The following ETV6 variants were observed in gnomAD, a reference collection of about 807,000 sequenced individuals.
ETV6 encodes transcription factor ETV6.
ETV6 carries 16 observed loss-of-function variants against 51.1 expected under a neutral mutation model. That is an observed-to-expected ratio of 0.31 (90% confidence interval 0.21 to 0.48). ETV6 has a LOEUF of 0.48. Ranked by LOEUF, ETV6 falls within the 20% of genes least tolerant of loss-of-function variation. ETV6 has a pLI of 0.99. For missense variants in ETV6, 458 were observed against 594.8 expected (o/e 0.77, Z 2.39); for synonymous variants, 240 against 224.1 (o/e 1.07, Z -0.64).
At chr12:11,716,330 C>CAAAAAA (rs3049068) in intron 1 of ETV6, among the ~76,000 whole-genome samples, 12 of 58,120 alleles carry the variant, frequency 2.1e-4, no homozygotes, top group African/African-American at 7.5e-4. Flanking sequence ...GACTCCTTCT[C>CAAAAAA]AAAAAAAAAA....
At chr12:11,765,625 A>G (rs1161964756) in intron 2 of ETV6, among the ~76,000 whole-genome samples, 1 of 151,774 alleles carries the variant, frequency 6.6e-6, no homozygotes, top group Non-Finnish European at 1.5e-5. Flanking sequence ...CATTCACAAT[A>G]TGTCTGAGAG....
At chr12:11,713,349 C>T (rs1865208834) in intron 1 of ETV6, among the ~76,000 whole-genome samples, 1 of 152,152 alleles carries the variant, frequency 6.6e-6, no homozygotes, top group Non-Finnish European at 1.5e-5. Context: ...TTGAACTCTC[C>T]TTCAGCCTTT....
At position 11,652,812 on chromosome 12, in the gene ETV6, C is replaced by T. The variant is rs149426004; in HGVS notation, c.33+2652C>T. Reference sequence around the variant, plus strand: ...AGTTTCTGAATTGGTCAATCAGTGACGCCTTTGTAAAGATGGCTCATGTGG... The same window carrying T: ...AGTTTCTGAATTGGTCAATCAGTGATGCCTTTGTAAAGATGGCTCATGTGG... On this transcript the variant is annotated intron_variant, in intron 1 of 7. Transcript: ENST00000396373. Among the ~76,000 whole-genome samples, 61 of 152,338 alleles carry T rather than the reference C, an allele frequency of 4.0e-4. 4 individuals carry two copies. The highest frequency in any genetic ancestry group is 1.4e-3 in the African/African-American group (59 of 41,568).
At chr12:11,768,007 G>A (rs1038239491) in intron 2 of ETV6, among the ~76,000 whole-genome samples, 1 of 152,136 alleles carries the variant, frequency 6.6e-6, no homozygotes, top group Non-Finnish European at 1.5e-5. Context: ...AGCTGCTCCA[G>A]GGAACACTCA....
At chr12:11,821,870 A>G (rs901064104) in intron 2 of ETV6, among the ~76,000 whole-genome samples, 5 of 152,020 alleles carry the variant, frequency 3.3e-5, no homozygotes, top group African/African-American at 1.2e-4. Context: ...ATGGAGATGC[A>G]TTGTCACCTC....
At position 11,869,962 on chromosome 12, in the gene ETV6, A is replaced by C. The variant is rs1208563282; in HGVS notation, c.1002A>C (p.Arg334Ser). The change falls in exon 5 of 8, where the codon AGA becomes AGC. Residue 334 changes from arginine to serine, a missense_variant. Physicochemically the swap from Arg to Ser is moderately radical, Grantham distance 110. Coordinates refer to ENST00000396373, the MANE Select transcript of ETV6 (RefSeq NM_001987.5). The surrounding 1 kb of genome is among the most constrained non-coding windows in gnomAD (Gnocchi z 5.0). ...PPEEHAMPIG[R>S]IADCRLLWDY... ...AAGAGCACGCCATGCCCATTGGGAG[A>C]ATAGCAGGTGAGTGAGTTCCCCTCT... 6.2e-7 allele frequency: 1 copy of C among 1,601,884 alleles called. No individual in the cohort carries two copies. Among genetic ancestry groups the C allele is most frequent in the Non-Finnish European group, 8.5e-7 (1 of 1,177,754 alleles).
At chr12:11,695,796 G>A (rs577212355) in intron 1 of ETV6, among the ~76,000 whole-genome samples, 11 of 152,292 alleles carry the variant, frequency 7.2e-5, no homozygotes, top group East Asian at 1.9e-4. Context: ...TGCTCCCCTC[G>A]TCCTCTGACC....
intron 2 of ETV6, among the ~76,000 whole-genome samples, chr12:11,814,926 G>A (rs1276980591): frequency 6.6e-6 from 1 of 152,148 alleles, no homozygotes; most frequent in Non-Finnish European, 1.5e-5. Flanking sequence ...TGTGGTACAG[G>A]GGCAGGGTCT....
intron 1 of ETV6, among the ~76,000 whole-genome samples, chr12:11,657,154 G>A (rs529069696): frequency 6.6e-6 from 1 of 152,160 alleles, no homozygotes; most frequent in South Asian, 2.1e-4. Context: ...GAGATGTGTT[G>A]TGGAGATAAT....
chr12:11,832,375 A>G (rs147102107), intron 2 of ETV6, among the ~76,000 whole-genome samples: 1 of 152,358 alleles, frequency 6.6e-6, no homozygotes, highest in African/African-American at 2.4e-5. Flanking sequence ...GAATAAATGC[A>G]AGGCTCTTGG....
At chr12:11,666,366 T>C (rs1864194022) in intron 1 of ETV6, among the ~76,000 whole-genome samples, 1 of 152,176 alleles carries the variant, frequency 6.6e-6, no homozygotes, top group Admixed American at 6.5e-5. Flanking sequence ...ATGGGTTGCC[T>C]GGAGGGACTA....
intron 2 of ETV6, among the ~76,000 whole-genome samples, chr12:11,823,633 A>AT (rs1476611688): frequency 1.3e-5 from 2 of 151,874 alleles, no homozygotes; most frequent in Non-Finnish European, 2.9e-5. Context: ...GGCCAGGCTA[A>AT]TTTTTTGTAT....
At chr12:11,782,472 G>A (rs1945427240) in intron 2 of ETV6, among the ~76,000 whole-genome samples, 1 of 152,198 alleles carries the variant, frequency 6.6e-6, no homozygotes, top group African/African-American at 2.4e-5. Flanking sequence ...TTAAGAGACA[G>A]TGTGTTTTTT....
intron 1 of ETV6, among the ~76,000 whole-genome samples, chr12:11,708,203 G>A (rs1865108258): frequency 6.6e-6 from 1 of 151,884 alleles, no homozygotes; most frequent in East Asian, 1.9e-4. Flanking sequence ...AGACAGAGCT[G>A]GGGTTCATGG....
At chr12:11,786,126 T>A (rs1945479791) in intron 2 of ETV6, among the ~76,000 whole-genome samples, 1 of 152,214 alleles carries the variant, frequency 6.6e-6, no homozygotes, top group Admixed American at 6.5e-5. Context: ...AAAATATTCC[T>A]TCATTTTCAA....
intron 1 of ETV6, among the ~76,000 whole-genome samples, chr12:11,737,541 T>C (rs886276817): frequency 1.3e-5 from 2 of 152,224 alleles, no homozygotes; most frequent in African/African-American, 4.8e-5. Flanking sequence ...GATTGATTTA[T>C]TTTTCTAGTC....
chr12:11,702,040 A>G (rs914060412), intron 1 of ETV6, among the ~76,000 whole-genome samples: 2 of 152,194 alleles, frequency 1.3e-5, no homozygotes, highest in African/African-American at 4.8e-5. Context: ...GGATTGGGGT[A>G]CAGGTAACTT....
rs1946509842 is a variant in ETV6 at position 11,849,187 on chromosome 12, T to TG, written c.329-4239dup. Among the ~76,000 whole-genome samples the TG allele has an allele frequency of 3.3e-5, 5 of 152,198 alleles. No homozygotes were observed. In the South Asian group the frequency reaches 1.0e-3, roughly 32 times the overall value. Reference sequence around the variant, plus strand: ...GTGCAGTGATGTGATCACAGCTCACTGCAGCCTCGACCTCCTGGGCTCAAG... The same window carrying TG: ...GTGCAGTGATGTGATCACAGCTCACTGGCAGCCTCGACCTCCTGGGCTCAAG... On this transcript the variant is annotated intron_variant, in intron 3 of 7. Coordinates refer to ENST00000396373, the MANE Select transcript of ETV6 (RefSeq NM_001987.5).
At chr12:11,652,764 T>C (rs1320013248) in intron 1 of ETV6, among the ~76,000 whole-genome samples, 2 of 152,188 alleles carry the variant, frequency 1.3e-5, no homozygotes, top group Non-Finnish European at 2.9e-5. Context: ...AGTGTCCGAT[T>C]TGGGTGGAGT....
Sources: allele counts gnomAD v4.1 joint callset (sites outside exome capture counted in the v4.1 genomes callset), GRCh38; gene constraint gnomAD v4.1.1; non-coding constraint Gnocchi (gnomAD v3.1); transcripts MANE v1.5; gene names NCBI Gene and HGNC (gene_info 2026-07-23, HGNC 2026-07-21).